The following PDK1 variants were observed in gnomAD, a reference collection of about 807,000 sequenced individuals.
PDK1 encodes pyruvate dehydrogenase kinase 1, also known as [Pyruvate dehydrogenase (acetyl-transferring)] kinase isozyme 1, mitochondrial.
Under a neutral mutation model 54.2 loss-of-function variants are expected in PDK1, and 39 were observed. That is an observed-to-expected ratio of 0.72 (90% CI 0.56 to 0.94). PDK1 has a LOEUF of 0.94. PDK1 is among the 40% of genes least tolerant of loss of function. The pLI is 0.00. For missense variants in PDK1, 552 were observed against 566.0 expected (o/e 0.98, Z 0.25); for synonymous variants, 221 against 207.1 (o/e 1.07, Z -0.58).
chr2:172,560,107 A>C (rs758191646), intron 2 of PDK1, among the ~76,000 whole-genome samples: 5 of 152,170 alleles, frequency 3.3e-5, no homozygotes, highest in Non-Finnish European at 7.4e-5. Flanking sequence ...GGCCTCTCAA[A>C]GTGCAGGGAT....
chr2:172,719,195 C>G, the PDK1 span, among the ~76,000 whole-genome samples: 1 of 152,170 alleles, frequency 6.6e-6, no homozygotes, highest in Non-Finnish European at 1.5e-5. Context: ...CATAGATGTA[C>G]TACACTTTAT....
chr2:172,696,166 C>CT, the PDK1 span, among the ~76,000 whole-genome samples: 1 of 97,896 alleles, frequency 1.0e-5, no homozygotes, highest in Non-Finnish European at 1.9e-5. Flanking sequence ...GAGCGAAACT[C>CT]TGTCTCAAAA....
chr2:172,666,416 G>A, the PDK1 span, among the ~76,000 whole-genome samples: 259 of 152,312 alleles, frequency 1.7e-3, no homozygotes, highest in African/African-American at 5.9e-3. Context: ...TTTTACTTCT[G>A]TAGAAGGGTG....
the PDK1 span, among the ~76,000 whole-genome samples, chr2:172,628,826 T>G: frequency 6.6e-6 from 1 of 152,162 alleles, no homozygotes; most frequent in Non-Finnish European, 1.5e-5. Flanking sequence ...AAATCTCTAC[T>G]GTCTTAATGT....
chr2:172,672,877 G>T, the PDK1 span, among the ~76,000 whole-genome samples: 1 of 151,610 alleles, frequency 6.6e-6, no homozygotes, highest in East Asian at 2.0e-4. Context: ...ATTTACAAAT[G>T]TTAGCAGCAG....
chr2:172,626,404 A>G, the PDK1 span, among the ~76,000 whole-genome samples: 1 of 152,184 alleles, frequency 6.6e-6, no homozygotes, highest in Non-Finnish European at 1.5e-5. Flanking sequence ...AGAAGAGGGA[A>G]GCTTTATAAG....
intron 8 of PDK1, among the ~76,000 whole-genome samples, chr2:172,580,273 T>A (rs1574502690): frequency 6.7e-6 from 1 of 149,102 alleles, no homozygotes; most frequent in South Asian, 2.1e-4. Flanking sequence ...GATGCTAATG[T>A]GTCTATTTTT....
chr2:172,709,789 C>T, the PDK1 span, among the ~76,000 whole-genome samples: 1 of 152,178 alleles, frequency 6.6e-6, no homozygotes, highest in Non-Finnish European at 1.5e-5. Flanking sequence ...GATCACATCA[C>T]TTCTTCCAGT....
At position 172,595,951 on chromosome 2, in the gene PDK1, G is replaced by A. The variant is rs931205267; in HGVS notation, c.1293G>A (p.Thr431=). ...CVPSREPKDM[T]TFRSA ...CCAGCAGAGAACCCAAAGACATGAC[G>A]ACGTTCCGCAGTGCCTAGACACACT... The change falls in exon 11 of 11, where the codon ACG becomes ACA. Residue 431 remains threonine, a synonymous_variant. Transcript: ENST00000282077. 8 of 1,611,978 alleles carry A rather than the reference G, an allele frequency of 5.0e-6. No homozygotes were observed. Among genetic ancestry groups the A allele is most frequent in the African/African-American group, 4.0e-5 (3 of 74,876 alleles).
At chr2:172,613,868 A>G in the PDK1 span, among the ~76,000 whole-genome samples, 1 of 152,028 alleles carries the variant, frequency 6.6e-6, no homozygotes, top group African/African-American at 2.4e-5. Flanking sequence ...TGCTCTACGG[A>G]GCAGGCAGGA....
the PDK1 span, among the ~76,000 whole-genome samples, chr2:172,630,314 G>T: frequency 6.6e-6 from 1 of 152,104 alleles, no homozygotes; most frequent in Non-Finnish European, 1.5e-5. Context: ...ATCTGCTAGA[G>T]TACTTCAAAT....
intron 8 of PDK1, 90 bp downstream of exon 8, chr2:172,570,914 A>T: frequency 4.2e-6 from 3 of 709,014 alleles, no homozygotes; most frequent in South Asian, 1.7e-5. Flanking sequence ...AATTTCTAAA[A>T]GACATAATCT....
chr2:172,641,565 C>T, the PDK1 span, among the ~76,000 whole-genome samples: 1 of 151,962 alleles, frequency 6.6e-6, no homozygotes, highest in Non-Finnish European at 1.5e-5. Context: ...CCTCAGCCTC[C>T]CGAGTAGCTG....
the PDK1 span, among the ~76,000 whole-genome samples, chr2:172,649,228 G>A: frequency 1.3e-5 from 2 of 152,184 alleles, no homozygotes; most frequent in Non-Finnish European, 2.9e-5. Flanking sequence ...ACAGCACCTG[G>A]AGTGGACCTC....
the PDK1 span, chr2:172,674,977 T>G: frequency 6.6e-6 from 1 of 152,258 alleles, no homozygotes; most frequent in African/African-American, 2.4e-5. Context: ...ATATTTCACA[T>G]TTGCCACCAT....
rs1452826948 is a variant in PDK1, at chr2:172,606,128, G to C, written c.*10159G>C. 3.3e-5 allele frequency: 5 copies of C among 152,164 alleles called. No homozygotes were observed. The highest frequency in any genetic ancestry group is 7.3e-5 in the Non-Finnish European group (5 of 68,038). 9.4% of individuals were successfully genotyped at this position (152,164 alleles called of 1,614,324 possible). The stretch of plus-strand genomic sequence containing the variant: ...ACCAAATGGGTCAGTCGTTGATCAG[G>C]CTTCATGAGAATATGATCGCTGGGA... On this transcript the variant is annotated 3_prime_UTR_variant, in exon 11 of 11. Transcript: ENST00000282077.
intron 8 of PDK1, among the ~76,000 whole-genome samples, chr2:172,580,066 C>G (rs1389519103): frequency 7.1e-6 from 1 of 140,980 alleles, no homozygotes; most frequent in Non-Finnish European, 1.5e-5. Context: ...TTTTATTGCT[C>G]TAAGGATATT....
chr2:172,701,518 A>T, the PDK1 span, among the ~76,000 whole-genome samples: 1 of 152,214 alleles, frequency 6.6e-6, no homozygotes, highest in Non-Finnish European at 1.5e-5. Flanking sequence ...TTGTAAGCCC[A>T]GGTACCCAGG....
chr2:172,568,913 GA>G (rs1273325450), intron 7 of PDK1, 96 bp downstream of exon 7: 7 of 736,322 alleles, frequency 9.5e-6, no homozygotes, highest in Non-Finnish European at 1.7e-5. Flanking sequence ...CTCCTATTAA[GA>G]AGTGCCATTT....
Sources: gnomAD v4.1 joint callset for allele counts (sites outside exome capture counted in the v4.1 genomes callset) on GRCh38, gnomAD v4.1.1 for gene constraint, MANE v1.5 for transcripts, NCBI Gene and HGNC (gene_info 2026-07-23, HGNC 2026-07-21) for gene names.